STXBP5L: variants seen among roughly 807,000 people sequenced by gnomAD.
The protein encoded by STXBP5L is syntaxin-binding protein 5-like.
Under a neutral mutation model 144.5 loss-of-function variants are expected in STXBP5L, and 65 were observed. The ratio of observed to expected loss-of-function variants is 0.45; its 90% CI spans 0.37 to 0.55. The LOEUF is 0.55. Among genes scored for constraint, STXBP5L ranks in the 20% least tolerant of loss-of-function variants. STXBP5L has a pLI of 0.00. For synonymous variants in STXBP5L, 505 were observed against 469.6 expected (o/e 1.08, Z -0.97); for missense variants, 1,298 against 1,405.5 (o/e 0.92, Z 1.22).
At chr3:121,372,542 G>A (rs1314449633) in intron 20 of STXBP5L, among the ~76,000 whole-genome samples, 1 of 152,172 alleles carries the variant, frequency 6.6e-6, no homozygotes, top group Non-Finnish European at 1.5e-5. Flanking sequence ...GCGATAGCAG[G>A]TTCCTTCTTG....
At chr3:120,950,480 A>G (rs1233224448) in intron 2 of STXBP5L, among the ~76,000 whole-genome samples, 1 of 152,018 alleles carries the variant, frequency 6.6e-6, no homozygotes, top group African/African-American at 2.4e-5. Context: ...CTCTTTCAAG[A>G]TTGTTTTGTT....
chr3:121,234,816 G>C (rs1359566448), intron 12 of STXBP5L, among the ~76,000 whole-genome samples: 2 of 151,768 alleles, frequency 1.3e-5, no homozygotes, highest in Non-Finnish European at 2.9e-5. Context: ...AAGGATTTAT[G>C]CTTATTCTTC....
chr3:121,087,747 T>C (rs1460362292), intron 5 of STXBP5L, among the ~76,000 whole-genome samples: 2 of 152,034 alleles, frequency 1.3e-5, no homozygotes, highest in Admixed American at 6.6e-5. Flanking sequence ...TCTGCTTTTT[T>C]CCCCTTGCCT....
intron 3 of STXBP5L, among the ~76,000 whole-genome samples, chr3:121,014,616 T>A (rs1255855042): frequency 6.6e-6 from 1 of 152,034 alleles, no homozygotes; most frequent in African/African-American, 2.4e-5. Context: ...ACATTAGGTG[T>A]CTTATGGCAA....
chr3:121,312,899 C>T (rs1284104008), intron 19 of STXBP5L, among the ~76,000 whole-genome samples: 1 of 152,194 alleles, frequency 6.6e-6, no homozygotes, highest in Non-Finnish European at 1.5e-5. Flanking sequence ...TTTCTCAATT[C>T]TTTCCCCACC....
At chr3:120,978,994 G>T (rs1016388486) in intron 3 of STXBP5L, among the ~76,000 whole-genome samples, 2 of 152,168 alleles carry the variant, frequency 1.3e-5, no homozygotes, top group South Asian at 2.1e-4. Context: ...GGGGGTCAGG[G>T]GTCAGGGACC....
At chr3:121,148,976 A>T (rs1007868925) in intron 7 of STXBP5L, among the ~76,000 whole-genome samples, 2 of 152,150 alleles carry the variant, frequency 1.3e-5, no homozygotes, top group Admixed American at 6.6e-5. Flanking sequence ...TATGTATTGT[A>T]TAATTCTACC....
At chr3:121,367,085 C>A (rs115993330) in intron 20 of STXBP5L, among the ~76,000 whole-genome samples, 8 of 152,174 alleles carry the variant, frequency 5.3e-5, no homozygotes, top group African/African-American at 1.9e-4. Flanking sequence ...ATCTTTATAC[C>A]ATATGTACCC....
At chr3:121,076,431 C>T (rs2107677383) in intron 5 of STXBP5L, among the ~76,000 whole-genome samples, 2 of 152,210 alleles carry the variant, frequency 1.3e-5, no homozygotes, top group South Asian at 4.2e-4. Context: ...TTTTCTTTTT[C>T]TGATGCCTTG....
chr3:120,931,904 T>G (rs1709961205), intron 2 of STXBP5L, among the ~76,000 whole-genome samples: 1 of 152,242 alleles, frequency 6.6e-6, no homozygotes, highest in South Asian at 2.1e-4. Context: ...TGTAACTTAA[T>G]GATAGGGATA....
chr3:121,365,249 C>G (rs1421007767), intron 20 of STXBP5L, among the ~76,000 whole-genome samples: 3 of 151,768 alleles, frequency 2.0e-5, no homozygotes, highest in Admixed American at 6.6e-5. Context: ...CTTTCTCTAG[C>G]TTGGTAACAG....
intron 14 of STXBP5L, among the ~76,000 whole-genome samples, chr3:121,248,176 G>C (rs2049916725): frequency 6.6e-6 from 1 of 152,022 alleles, no homozygotes; most frequent in South Asian, 2.1e-4. Context: ...CAATTCTCCT[G>C]CTTCAGCCTC....
intron 3 of STXBP5L, among the ~76,000 whole-genome samples, chr3:120,957,667 A>C (rs1938197053): frequency 6.6e-6 from 1 of 152,254 alleles, no homozygotes. Flanking sequence ...TACTGAGTAC[A>C]TAACGAAATG....
At chr3:120,920,934 T>G (rs1709331452) in intron 2 of STXBP5L, among the ~76,000 whole-genome samples, 1 of 152,004 alleles carries the variant, frequency 6.6e-6, no homozygotes, top group African/African-American at 2.4e-5. Context: ...TTGTGAGTAG[T>G]GCTGCAATAA....
At chr3:121,207,463 A>G (rs1247012115) in intron 10 of STXBP5L, among the ~76,000 whole-genome samples, 3 of 152,248 alleles carry the variant, frequency 2.0e-5, no homozygotes, top group Non-Finnish European at 4.4e-5. Flanking sequence ...AATGGCAATA[A>G]AAGCCAAAAT....
At chr3:121,111,646 A>G (rs959489857) in intron 5 of STXBP5L, among the ~76,000 whole-genome samples, 1 of 152,112 alleles carries the variant, frequency 6.6e-6, no homozygotes, top group Non-Finnish European at 1.5e-5. Flanking sequence ...TCCAGCAGGA[A>G]TGGTCCTAAA....
chr3:121,372,847 G>A (rs2046073468), intron 20 of STXBP5L, among the ~76,000 whole-genome samples: 1 of 152,110 alleles, frequency 6.6e-6, no homozygotes, highest in African/African-American at 2.4e-5. Flanking sequence ...TAGACTAATT[G>A]CAGAAGGATA....
chr3:121,134,730 T>A (rs1292271038), intron 7 of STXBP5L, among the ~76,000 whole-genome samples: 10 of 152,284 alleles, frequency 6.6e-5, no homozygotes, highest in Non-Finnish European at 4.4e-5. Flanking sequence ...GCAAAGGACA[T>A]GAACTCATCC....
At chr3:121,353,630 C>T (rs981297258) in intron 20 of STXBP5L, among the ~76,000 whole-genome samples, 1 of 152,076 alleles carries the variant, frequency 6.6e-6, no homozygotes, top group East Asian at 1.9e-4. Context: ...TTTCAAAAAA[C>T]CAGCTCCTGG....
Sources: gnomAD v4.1 joint callset for allele counts (sites outside exome capture counted in the v4.1 genomes callset) on GRCh38, gnomAD v4.1.1 for gene constraint, MANE v1.5 for transcripts, NCBI Gene and HGNC (gene_info 2026-07-23, HGNC 2026-07-21) for gene names.